GABRB1: variants seen among roughly 807,000 people sequenced by gnomAD.
The protein encoded by GABRB1 is gamma-aminobutyric acid receptor subunit beta-1.
A neutral mutation model predicts 51.6 loss-of-function variants in GABRB1; 17 were observed. The observed-to-expected ratio is 0.33, with a 90% CI of 0.23 to 0.49. GABRB1 has a LOEUF of 0.49. GABRB1 is among the 20% of genes least tolerant of loss of function. The pLI is 0.99. For synonymous variants in GABRB1, 247 were observed against 218.9 expected (o/e 1.13, Z -1.14); for missense variants, 410 against 600.6 (o/e 0.68, Z 3.32).
chr4:47,214,036 C>T (rs1208403414), intron 4 of GABRB1, among the ~76,000 whole-genome samples: 3 of 152,160 alleles, frequency 2.0e-5, no homozygotes, highest in Non-Finnish European at 4.4e-5. Context: ...GATGATGTCA[C>T]ATTCTATAAT....
At chr4:47,330,459 T>C (rs1370851586) in intron 5 of GABRB1, among the ~76,000 whole-genome samples, 1 of 152,164 alleles carries the variant, frequency 6.6e-6, no homozygotes, top group African/African-American at 2.4e-5. Context: ...GCTGGTGATA[T>C]AGCAGCAACA....
intron 4 of GABRB1, among the ~76,000 whole-genome samples, chr4:47,182,231 T>C (rs1431168085): frequency 6.6e-6 from 1 of 151,980 alleles, no homozygotes; most frequent in Admixed American, 6.6e-5. Context: ...GAGAAATTTC[T>C]GGGTATTTTG....
chr4:47,178,271 C>A (rs1273064566), intron 4 of GABRB1, among the ~76,000 whole-genome samples: 3 of 152,082 alleles, frequency 2.0e-5, no homozygotes, highest in African/African-American at 7.2e-5. Flanking sequence ...AGAAATTGCT[C>A]TCTGGGTTAA....
intron 4 of GABRB1, among the ~76,000 whole-genome samples, chr4:47,178,503 GC>G (rs1369770010): frequency 1.3e-5 from 2 of 152,062 alleles, no homozygotes; most frequent in African/African-American, 4.8e-5. Context: ...GATTAGTGGA[GC>G]TAAAGAAGAA....
chr4:47,201,308 A>T (rs191470975), intron 4 of GABRB1, among the ~76,000 whole-genome samples: 1 of 152,286 alleles, frequency 6.6e-6, no homozygotes, highest in East Asian at 1.9e-4. Context: ...AAAAGAAAAA[A>T]GTTACAGCTA....
intron 5 of GABRB1, among the ~76,000 whole-genome samples, chr4:47,341,067 A>G (rs1359039386): frequency 6.6e-6 from 1 of 152,198 alleles, no homozygotes; most frequent in Non-Finnish European, 1.5e-5. Context: ...TTTTATGTGC[A>G]GTGAACAAAA....
At chr4:47,224,319 T>C (rs916288852) in intron 4 of GABRB1, among the ~76,000 whole-genome samples, 1 of 151,452 alleles carries the variant, frequency 6.6e-6, no homozygotes, top group African/African-American at 2.4e-5. Context: ...ATATATAAAA[T>C]CTGGCATTTT....
At chr4:47,292,720 G>A (rs141023349) in intron 4 of GABRB1, among the ~76,000 whole-genome samples, 85 of 152,248 alleles carry the variant, frequency 5.6e-4, no homozygotes, top group Non-Finnish European at 7.9e-4. Context: ...TGGAGGCTGC[G>A]AAATCCAAGA....
At chr4:47,406,275 G>A (rs886439939) in intron 7 of GABRB1, among the ~76,000 whole-genome samples, 6 of 152,148 alleles carry the variant, frequency 3.9e-5, no homozygotes, top group Non-Finnish European at 8.8e-5. Flanking sequence ...GGCTGCTATA[G>A]GGATTAGTAT....
At chr4:47,028,536 G>C (rs750747704), upstream of GABRB1, among the ~76,000 whole-genome samples, 1 of 151,454 alleles carries the variant, frequency 6.6e-6, no homozygotes, top group Non-Finnish European at 1.5e-5. Flanking sequence ...TGGTCACTTC[G>C]TTATCAGTTT....
intron 4 of GABRB1, among the ~76,000 whole-genome samples, chr4:47,226,439 C>T (rs1017285988): frequency 6.6e-6 from 1 of 151,984 alleles, no homozygotes; most frequent in Non-Finnish European, 1.5e-5. Flanking sequence ...AGGAACATCG[C>T]CAAGAAGCAG....
chr4:47,183,888 G>T (rs1341144306), intron 4 of GABRB1, among the ~76,000 whole-genome samples: 1 of 151,756 alleles, frequency 6.6e-6, no homozygotes, highest in Non-Finnish European at 1.5e-5. Context: ...AAACATGCTG[G>T]AAAGTCCATA....
intron 4 of GABRB1, among the ~76,000 whole-genome samples, chr4:47,212,273 C>G (rs1033896506): frequency 6.6e-6 from 1 of 152,340 alleles, no homozygotes; most frequent in East Asian, 1.9e-4. Flanking sequence ...TGGCCAAACC[C>G]AACCAGTAGC....
At position 47,260,389 on chromosome 4, in the gene GABRB1, T is replaced by C. The variant is rs562396252; in HGVS notation, c.462-59738T>C. ...TCATTATGATGTTAGCTGGTTATTT[T>C]GCTCATTAGTTTATGCAGTTTCTTC... On this transcript the variant is annotated intron_variant, in intron 4 of 8. Transcript: ENST00000295454. Among the ~76,000 whole-genome samples, 419 of 152,334 alleles carry C rather than the reference T, an allele frequency of 2.8e-3. 1 individual carries two copies. The highest frequency in any genetic ancestry group is 5.1e-3 in the Non-Finnish European group (344 of 68,030).
chr4:47,039,486 G>A (rs1195430968), intron 3 of GABRB1, among the ~76,000 whole-genome samples: 1 of 151,692 alleles, frequency 6.6e-6, no homozygotes, highest in Non-Finnish European at 1.5e-5. Context: ...TCTTTTTAGA[G>A]GAATGTCTTT....
At chr4:47,194,814 G>A (rs927192946) in intron 4 of GABRB1, among the ~76,000 whole-genome samples, 1 of 152,154 alleles carries the variant, frequency 6.6e-6, no homozygotes, top group African/African-American at 2.4e-5. Context: ...TGTACTTAGC[G>A]TCTAAAGGAT....
intron 4 of GABRB1, among the ~76,000 whole-genome samples, chr4:47,254,424 G>A (rs1352696640): frequency 2.4e-5 from 3 of 125,804 alleles, no homozygotes; most frequent in African/African-American, 9.4e-5. Flanking sequence ...GCCCAGGCTC[G>A]AGTGCAGTGG....
intron 4 of GABRB1, among the ~76,000 whole-genome samples, chr4:47,233,462 T>G (rs1721216978): frequency 6.6e-6 from 1 of 152,174 alleles, no homozygotes; most frequent in Non-Finnish European, 1.5e-5. Context: ...ATATTGAACT[T>G]TTATAACTTC....
intron 5 of GABRB1, among the ~76,000 whole-genome samples, chr4:47,390,963 G>A (rs961798495): frequency 1.9e-4 from 29 of 152,082 alleles, no homozygotes; most frequent in Admixed American, 2.6e-4. Context: ...GGGTCATGAG[G>A]TCAAGAGTTA....
Sources: gnomAD v4.1 joint callset for allele counts (sites outside exome capture counted in the v4.1 genomes callset) on GRCh38, gnomAD v4.1.1 for gene constraint, MANE v1.5 for transcripts, NCBI Gene and HGNC (gene_info 2026-07-23, HGNC 2026-07-21) for gene names.